AIF1L: variants seen among roughly 807,000 people sequenced by gnomAD.
AIF1L encodes the protein allograft inflammatory factor 1-like.
AIF1L carries 12 observed loss-of-function variants against 20.7 expected under a neutral mutation model. The ratio of observed to expected loss-of-function variants is 0.58; its 90% confidence interval spans 0.37 to 0.94. The LOEUF (loss-of-function observed/expected upper bound fraction) is 0.94, where lower values mean the gene tolerates loss of function less well. AIF1L is among the 40% of genes least tolerant of loss of function. The pLI, the probability that AIF1L is intolerant of heterozygous loss-of-function variation, is 0.01. For missense variants in AIF1L, 173 were observed against 185.3 expected (o/e 0.93, Z 0.39); for synonymous variants, 76 against 65.1 (o/e 1.17, Z -0.81).
In AIF1L at chr9:131,121,209, C is replaced by A; in HGVS notation, c.*887C>A. The A allele has an allele frequency of 1.5e-6, 1 of 678,580 alleles. No homozygotes were observed. The allele number at this position is 678,580 out of a possible 1,614,324, so 42.0% of individuals were successfully genotyped here. A position where few individuals can be genotyped will look rare whatever the true frequency, so the allele number is the denominator to read the frequency against. On this transcript the variant is annotated 3_prime_UTR_variant, in exon 6 of 6. Transcript: ENST00000247291. ...GCCAAGACTGAGAAATACAAGGTTG[C>A]TTGTCTGACCCCAATCTGCTTGAAA... is the stretch of plus-strand genomic sequence containing the variant.
chr9:131,113,141 T>C (rs1347664763), intron 3 of AIF1L, among the ~76,000 whole-genome samples: 1 of 151,922 alleles, frequency 6.6e-6, no homozygotes, highest in Non-Finnish European at 1.5e-5. Context: ...TGGTAGGTGC[T>C]TCAGTGAGAA....
At chr9:131,118,549 CTTTTT>C (rs111644082) in intron 5 of AIF1L, among the ~76,000 whole-genome samples, 1 of 139,260 alleles carries the variant, frequency 7.2e-6, no homozygotes, top group African/African-American at 2.6e-5. Context: ...CTTAGTTTTC[CTTTTT>C]TTTTTTTTTC....
chr9:131,104,352 C>T (rs577565668), intron 2 of AIF1L, among the ~76,000 whole-genome samples: 47 of 152,342 alleles, frequency 3.1e-4, no homozygotes, highest in African/African-American at 9.9e-4. Context: ...CACCTACCCC[C>T]ACATCTCCCT....
In AIF1L at chr9:131,117,862, A is replaced by G; in HGVS notation, c.309A>G (p.Ile103Met). The G allele has an allele frequency of 6.2e-7, 1 of 1,613,892 alleles. No individual in the cohort carries two copies. Reference sequence around the variant, plus strand: ...TGACAGGAGGGGTCAGTGACACTATATCCTACCGAGACTTTGTGAACATGA... The same window carrying G: ...TGACAGGAGGGGTCAGTGACACTATGTCCTACCGAGACTTTGTGAACATGA... ...SEVTGGVSDT[I>M]SYRDFVNMML... Residue 103 changes from isoleucine to methionine, a missense_variant, in exon 5 of 6, where the codon ATA (isoleucine) becomes ATG (methionine). Coordinates refer to ENST00000247291, the MANE Select transcript of AIF1L (RefSeq NM_031426.4).
chr9:131,106,899 C>T (rs1830764379), intron 2 of AIF1L, among the ~76,000 whole-genome samples: 1 of 152,066 alleles, frequency 6.6e-6, no homozygotes, highest in Non-Finnish European at 1.5e-5. Flanking sequence ...AATTTGAGAC[C>T]GAACTGCTCC....
At position 131,096,953 on chromosome 9, in the gene AIF1L, A is replaced by G. The variant is rs1036067678; in HGVS notation, c.93+90A>G. Reference sequence around the variant, plus strand: ...CTTCCGCGAGGCCGTGCCCGCCTCCAGATCTACCCTCTTCCTTCCCTTCCC... The same window carrying G: ...CTTCCGCGAGGCCGTGCCCGCCTCCGGATCTACCCTCTTCCTTCCCTTCCC... On this transcript the variant is annotated intron_variant, in intron 2 of 5. Transcript: ENST00000247291. The G allele has an allele frequency of 9.6e-6, 13 of 1,352,070 alleles. No homozygotes were observed. In the African/African-American group the frequency reaches 2.0e-4, roughly 21 times the overall value. 83.8% of individuals were successfully genotyped at this position (1,352,070 alleles called of 1,614,324 possible). A position where few individuals can be genotyped will look rare whatever the true frequency, so the allele number is the denominator to read the frequency against.
At chr9:131,111,775 TC>T in intron 3 of AIF1L, 112 bp downstream of exon 3, 1 of 1,094,090 alleles carries the variant, frequency 9.1e-7, no homozygotes, top group Non-Finnish European at 1.3e-6. Context: ...CCCTGTTTTG[TC>T]CAGAATGCCC....
At chr9:131,111,370 G>A in intron 2 of AIF1L, 1 of 511,402 alleles carries the variant, frequency 2.0e-6, no homozygotes, top group Non-Finnish European at 3.5e-6. Flanking sequence ...CACCCGTAGT[G>A]AACCCTCTGG....
Position 131,101,939 on chromosome 9 carries a change from CAG to C in AIF1L, c.93+5079_93+5080del, listed in dbSNP as rs1231816121. Among the ~76,000 whole-genome samples the C allele has an allele frequency of 6.6e-5, 10 of 152,162 alleles. No homozygotes were observed. In the East Asian group the frequency reaches 1.7e-3, roughly 27 times the overall value. On this transcript the variant is annotated intron_variant, in intron 2 of 5. Coordinates refer to ENST00000247291, the MANE Select transcript of AIF1L (RefSeq NM_031426.4). Reference sequence around the variant, plus strand: ...TGTTTCGCTGTTTTTCATTTTGAGACAGAGTCTCACTCTGTCACCCAGGCTGG... The same window carrying C: ...TGTTTCGCTGTTTTTCATTTTGAGACAGTCTCACTCTGTCACCCAGGCTGG...
At chr9:131,118,034 C>A in intron 5 of AIF1L, 116 bp downstream of exon 5, 1 of 1,084,396 alleles carries the variant, frequency 9.2e-7, no homozygotes, top group Non-Finnish European at 1.3e-6. Context: ...CATTGTGCGA[C>A]CTGCTGGACA....
chr9:131,111,331 T>C, intron 2 of AIF1L: 1 of 417,102 alleles, frequency 2.4e-6, no homozygotes, highest in Non-Finnish European at 4.3e-6. Context: ...CCAGCATTGG[T>C]AATGTAGCTG....
At chr9:131,109,448 A>G (rs1369822413) in intron 2 of AIF1L, among the ~76,000 whole-genome samples, 3 of 152,208 alleles carry the variant, frequency 2.0e-5, no homozygotes, top group African/African-American at 7.2e-5. Flanking sequence ...AGTCCCAGCT[A>G]CTTGGGAGGC....
At position 131,114,612 on chromosome 9, in the gene AIF1L, G is replaced by A. The variant is rs1397400959; in HGVS notation, c.196G>A (p.Glu66Lys). Reference protein sequence around the residue: ...YMEFDLNNEGEIDLMSLKRMM... With the variant: ...YMEFDLNNEGKIDLMSLKRMM... Reference sequence around the variant, plus strand: ...GGAGTTTGACCTGAACAATGAAGGCGAGATTGGTGAGTGAAGCCTTGAGTG... The same window carrying A: ...GGAGTTTGACCTGAACAATGAAGGCAAGATTGGTGAGTGAAGCCTTGAGTG... The change falls in exon 4 of 6, where the codon GAG (glutamate) becomes AAG (lysine). Residue 66 changes from glutamate (E) to lysine (K), a missense_variant. Transcript: ENST00000247291. 3.1e-6 allele frequency: 5 copies of A among 1,614,138 alleles called. No individual in the cohort carries two copies. Among genetic ancestry groups the A allele is most frequent in the Admixed American group, 1.7e-5 (1 of 60,028 alleles).
intron 5 of AIF1L, 123 bp downstream of exon 5, chr9:131,118,041 G>T: frequency 9.8e-7 from 1 of 1,016,264 alleles, no homozygotes; most frequent in African/African-American, 1.6e-5. Context: ...CGACCTGCTG[G>T]ACAAGGTACT....
At chr9:131,099,860 G>C (rs1434451763) in intron 2 of AIF1L, among the ~76,000 whole-genome samples, 1 of 151,774 alleles carries the variant, frequency 6.6e-6, no homozygotes, top group Non-Finnish European at 1.5e-5. Context: ...CCGAGTAACT[G>C]GGACTACAGG....
At chr9:131,116,498 A>T (rs1271783041) in intron 4 of AIF1L, among the ~76,000 whole-genome samples, 1 of 152,188 alleles carries the variant, frequency 6.6e-6, no homozygotes, top group Non-Finnish European at 1.5e-5. Flanking sequence ...TCCTGGCCTC[A>T]AGTGATCCGC....
At chr9:131,114,534 G>A (rs377621844) in intron 3 of AIF1L, 43 bp from the exon 4 acceptor site, 75 of 1,610,584 alleles carry the variant, frequency 4.7e-5, no homozygotes, top group Non-Finnish European at 1.1e-5. Flanking sequence ...ACAGGGAGAC[G>A]CTGCTTCCAA....
chr9:131,096,607 C>A lies in AIF1L; in HGVS notation c.-23C>A. 4 of 1,484,792 alleles carry A rather than the reference C, an allele frequency of 2.7e-6. No individual in the cohort carries two copies. The highest frequency in any genetic ancestry group is 1.3e-5 in the South Asian group (1 of 78,730). The allele number at this position is 1,484,792 out of a possible 1,614,324, so 92.0% of individuals were successfully genotyped here. A position where few individuals can be genotyped will look rare whatever the true frequency, so the allele number is the denominator to read the frequency against. On this transcript the variant is annotated 5_prime_UTR_variant, in exon 1 of 6. Coordinates refer to ENST00000247291, the MANE Select transcript of AIF1L (RefSeq NM_031426.4). Reference sequence around the variant, plus strand: ...CTCGCCGCGTCCGCGAAGCCTGGAGCCGGCGGGAGCCCCGCGCTCGCCATG... The same window carrying A: ...CTCGCCGCGTCCGCGAAGCCTGGAGACGGCGGGAGCCCCGCGCTCGCCATG...
In AIF1L at chr9:131,121,459, C is replaced by T. The variant is rs1388457620; in HGVS notation, c.*1137C>T. The T allele has an allele frequency of 2.2e-5, 5 of 231,248 alleles. No individual in the cohort carries two copies. Among genetic ancestry groups the T allele is most frequent in the Non-Finnish European group, 4.2e-5 (5 of 119,242 alleles). The allele number at this position is 231,248 out of a possible 1,614,324, so 14.3% of individuals were successfully genotyped here. On this transcript the variant is annotated 3_prime_UTR_variant, in exon 6 of 6. Coordinates refer to ENST00000247291, the MANE Select transcript of AIF1L (RefSeq NM_031426.4). ...TCACCTGTGTCCTTTCTTATGGACTCGCAGGATTTTAGAACCCTAATGCAC... is the reference window on the plus strand; with the variant it reads ...TCACCTGTGTCCTTTCTTATGGACTTGCAGGATTTTAGAACCCTAATGCAC...
Sources: allele counts gnomAD v4.1 joint callset (sites outside exome capture counted in the v4.1 genomes callset), GRCh38; gene constraint gnomAD v4.1.1; transcripts MANE v1.5; gene names NCBI Gene and HGNC (gene_info 2026-07-23, HGNC 2026-07-21).